The following MACROH2A2 variants were observed in gnomAD, a reference collection of about 807,000 sequenced individuals.
The protein encoded by MACROH2A2 is macroH2A.2 histone.
A neutral mutation model predicts 37.6 loss-of-function variants in MACROH2A2; 6 were observed. The observed-to-expected ratio is 0.16, with a 90% CI of 0.09 to 0.32. MACROH2A2 has a LOEUF of 0.32. MACROH2A2 is among the 10% of genes least tolerant of loss of function. The pLI, the probability that MACROH2A2 is intolerant of heterozygous loss-of-function variation, is 1.00. For missense variants in MACROH2A2, 290 were observed against 485.9 expected, an observed-to-expected ratio of 0.60 and a Z score of 3.79; for synonymous variants, 192 against 202.7, an observed-to-expected ratio of 0.95 and a Z score of 0.45.
chr10:70,103,651 C>G (rs1413078463), intron 7 of MACROH2A2, among the ~76,000 whole-genome samples: 1 of 152,068 alleles, frequency 6.6e-6, no homozygotes, highest in African/African-American at 2.4e-5. Flanking sequence ...AAAATAAATC[C>G]AAAACCTGGA....
At chr10:70,062,855 A>G in intron 1 of MACROH2A2, among the ~76,000 whole-genome samples, 1 of 152,242 alleles carries the variant, frequency 6.6e-6, no homozygotes, top group East Asian at 1.9e-4. Context: ...TCAGAATGAC[A>G]TAATAGACTT....
chr10:70,096,915 A>T (rs756970584), intron 6 of MACROH2A2, among the ~76,000 whole-genome samples: 1 of 152,194 alleles, frequency 6.6e-6, no homozygotes, highest in East Asian at 1.9e-4. Context: ...TCCACTCTCC[A>T]TGGAAGGACG....
intron 1 of MACROH2A2, among the ~76,000 whole-genome samples, chr10:70,056,021 A>G (rs2072013966): frequency 6.6e-6 from 1 of 152,224 alleles, no homozygotes. Context: ...AAAAAAGCAA[A>G]TTGCAGAACA....
At chr10:70,061,597 GC>G (rs1235162331) in intron 1 of MACROH2A2, among the ~76,000 whole-genome samples, 3 of 151,996 alleles carry the variant, frequency 2.0e-5, no homozygotes, top group African/African-American at 7.3e-5. Context: ...CCCCTTAAAT[GC>G]CCCTACCCCT....
intron 1 of MACROH2A2, among the ~76,000 whole-genome samples, chr10:70,062,887 G>A (rs938494117): frequency 6.6e-6 from 1 of 152,110 alleles, no homozygotes; most frequent in Non-Finnish European, 1.5e-5. Flanking sequence ...GGGAAAGGTG[G>A]GAAGAGGGTG....
At chr10:70,063,971 G>A (rs765256246) in intron 1 of MACROH2A2, among the ~76,000 whole-genome samples, 1 of 152,208 alleles carries the variant, frequency 6.6e-6, no homozygotes, top group African/African-American at 2.4e-5. Flanking sequence ...AGGACAGCTC[G>A]GTGAATTATC....
intron 2 of MACROH2A2, among the ~76,000 whole-genome samples, chr10:70,081,295 T>C (rs1315217432): frequency 6.6e-6 from 1 of 152,118 alleles, no homozygotes; most frequent in Non-Finnish European, 1.5e-5. Flanking sequence ...CATGTGGCTA[T>C]TGCTCTTATT....
At chr10:70,093,370 G>A (rs1259120014) in intron 4 of MACROH2A2, among the ~76,000 whole-genome samples, 7 of 152,112 alleles carry the variant, frequency 4.6e-5, no homozygotes, top group Non-Finnish European at 8.8e-5. Context: ...TGTGCCCCGA[G>A]AAATCCTGGG....
In MACROH2A2 at chr10:70,080,885, C is replaced by CAAAAAAA. The variant is rs149608498; in HGVS notation, c.172+5077_172+5083dup. 1.3e-3 allele frequency among the ~76,000 whole-genome samples: 43 copies of CAAAAAAA among 31,982 alleles called. 1 individual carries two copies. The highest frequency in any genetic ancestry group is 2.5e-3 in the African/African-American group (18 of 7,246). The allele number at this position is 31,982 out of a possible 152,430, so 21.0% of individuals were successfully genotyped here. A position where few individuals can be genotyped will look rare whatever the true frequency, so the allele number is the denominator to read the frequency against. Reference sequence around the variant, plus strand: ...GGGGAACAACAGTGAAACTCCATCTCAAAAAAAAAAAAAAAAAAAAAAAAA... The same window carrying CAAAAAAA: ...GGGGAACAACAGTGAAACTCCATCTCAAAAAAAAAAAAAAAAAAAAAAAAAAAAAAAA... On this transcript the variant is annotated intron_variant, in intron 2 of 8. Coordinates refer to ENST00000373255, the MANE Select transcript of MACROH2A2 (RefSeq NM_018649.3).
At position 70,086,307 on chromosome 10, in the gene MACROH2A2, A is replaced by C. The variant is rs534316796; in HGVS notation, c.173-3753A>C. Among the ~76,000 whole-genome samples, 434 of 152,224 alleles carry C rather than the reference A, an allele frequency of 2.9e-3. 2 individuals carry two copies. Among genetic ancestry groups the C allele is most frequent in the African/African-American group, 1.0e-2 (415 of 41,526 alleles). The stretch of plus-strand genomic sequence containing the variant: ...TTCTCTCTAAGGAAAAAAAAAAAAA[A>C]AAGTCCCACCACTGCTTTTGCACTA... On this transcript the variant is annotated intron_variant, in intron 2 of 8. Transcript: ENST00000373255.
chr10:70,079,563 G>GCGCGCGCGCACGCA (rs1554822094), intron 2 of MACROH2A2, among the ~76,000 whole-genome samples: 2 of 63,178 alleles, frequency 3.2e-5, no homozygotes, highest in African/African-American at 5.7e-5. Context: ...GCGCGCGCGC[G>GCGCGCGCGCACGCA]CGCACACACA....
chr10:70,077,627 C>T (rs913256397), intron 2 of MACROH2A2, among the ~76,000 whole-genome samples: 1 of 151,896 alleles, frequency 6.6e-6, no homozygotes, highest in African/African-American at 2.4e-5. Flanking sequence ...AATCCCAGCA[C>T]TTGGGAGGCC....
At chr10:70,079,930 G>A (rs2072165413) in intron 2 of MACROH2A2, among the ~76,000 whole-genome samples, 1 of 152,194 alleles carries the variant, frequency 6.6e-6, no homozygotes, top group Admixed American at 6.5e-5. Context: ...CTGCCATGGG[G>A]TGAGAAGTAG....
At chr10:70,111,194 G>A (rs557800250) in intron 8 of MACROH2A2, among the ~76,000 whole-genome samples, 270 of 152,130 alleles carry the variant, frequency 1.8e-3, no homozygotes, top group Non-Finnish European at 3.0e-3. Flanking sequence ...GCTTGAACCC[G>A]GGAGGTGGAG....
rs2072354167 is a variant in MACROH2A2, at chr10:70,109,030, C to T, written c.779-3C>T. ...CCGCGGCATTTTCTCTCCTATGTCC[C>T]AGCCGCCGTCAGCCAATCCAGTGGA... On this transcript the variant is annotated splice_polypyrimidine_tract_variant and splice_region_variant and intron_variant, in intron 7 of 8. Transcript: ENST00000373255. The T allele has an allele frequency of 2.5e-6, 4 of 1,613,846 alleles. No individual in the cohort carries two copies. The East Asian group carries it at 8.9e-5, about 36-fold the overall frequency.
At chr10:70,084,295 G>C (rs980029835) in intron 2 of MACROH2A2, among the ~76,000 whole-genome samples, 7 of 152,206 alleles carry the variant, frequency 4.6e-5, no homozygotes, top group Non-Finnish European at 8.8e-5. Flanking sequence ...ACATTTAAGG[G>C]AATATCATTC....
chr10:70,073,570 A>G (rs1055930931), intron 1 of MACROH2A2, among the ~76,000 whole-genome samples: 1 of 152,208 alleles, frequency 6.6e-6, no homozygotes, highest in African/African-American at 2.4e-5. Flanking sequence ...TAGTAAGTAC[A>G]TATGAGCATT....
chr10:70,111,248 A>G (rs2072372016), intron 8 of MACROH2A2, among the ~76,000 whole-genome samples: 1 of 152,178 alleles, frequency 6.6e-6, no homozygotes, highest in Admixed American at 6.5e-5. Flanking sequence ...CAGCCTGGGC[A>G]ACAGAGAGAG....
At chr10:70,071,033 G>T (rs764472884) in intron 1 of MACROH2A2, among the ~76,000 whole-genome samples, 1 of 151,564 alleles carries the variant, frequency 6.6e-6, no homozygotes, top group Non-Finnish European at 1.5e-5. Flanking sequence ...GCATGTATGC[G>T]TGTGCACGTG....
Sources: gnomAD v4.1 joint callset for allele counts (sites outside exome capture counted in the v4.1 genomes callset) on GRCh38, gnomAD v4.1.1 for gene constraint, MANE v1.5 for transcripts, NCBI Gene and HGNC (gene_info 2026-07-23, HGNC 2026-07-21) for gene names.